Variants in LCORL observed in about 807,000 individuals in gnomAD.
LCORL encodes the protein ligand dependent nuclear receptor corepressor like, also known as ligand-dependent nuclear receptor corepressor-like protein.
In LCORL, 41 loss-of-function variants were observed where a neutral mutation model predicts 141.8. The ratio of observed to expected loss-of-function variants is 0.29; its 90% CI spans 0.23 to 0.38. LCORL has a LOEUF of 0.38. Ranked by LOEUF, LCORL falls within the 10% of genes least tolerant of loss-of-function variation. LCORL has a pLI of 1.00. For synonymous variants in LCORL, 618 were observed against 694.1 expected (o/e 0.89, Z 1.72); for missense variants, 1,759 against 2,035.0 (o/e 0.86, Z 2.61).
chr4:17,924,003 A>G (rs941171488), intron 4 of LCORL, among the ~76,000 whole-genome samples: 1 of 151,594 alleles, frequency 6.6e-6, no homozygotes, highest in African/African-American at 2.4e-5. Flanking sequence ...CTCGTTGTGC[A>G]CTTTTCTTTG....
In LCORL at chr4:17,897,589, A is replaced by T. The variant is rs117021496; in HGVS notation, c.683-11428T>A. Among the ~76,000 whole-genome samples the T allele has an allele frequency of 3.8e-4, 58 of 152,174 alleles. 1 individual carries two copies. The East Asian group carries it at 0.01, about 27-fold the overall frequency. Reference sequence around the variant, plus strand: ...ACAGTAAAGAACTGGTGTGGTGTGTACCTCCAATAGAGACTACTAACTCTG... The same window carrying T: ...ACAGTAAAGAACTGGTGTGGTGTGTTCCTCCAATAGAGACTACTAACTCTG... On this transcript the variant is annotated intron_variant, in intron 5 of 7. Transcript: ENST00000635767.
chr4:17,886,941 C>T (rs1577330356), intron 5 of LCORL, among the ~76,000 whole-genome samples: 4 of 151,914 alleles, frequency 2.6e-5, no homozygotes, highest in South Asian at 4.1e-4. Context: ...CAAAGAATTC[C>T]GTGAATGTTT....
chr4:18,016,620 T>C (rs1421439095), intron 1 of LCORL, among the ~76,000 whole-genome samples: 2 of 152,182 alleles, frequency 1.3e-5, no homozygotes, highest in Non-Finnish European at 2.9e-5. Flanking sequence ...AAATACCTGA[T>C]TTTGAAGACT....
intron 4 of LCORL, among the ~76,000 whole-genome samples, chr4:17,939,508 T>TA (rs1381493127): frequency 6.6e-6 from 1 of 152,134 alleles, no homozygotes; most frequent in Non-Finnish European, 1.5e-5. Flanking sequence ...AAAAGAGACT[T>TA]ACACAAGAAT....
chr4:17,928,267 G>A (rs1404305062), intron 4 of LCORL, among the ~76,000 whole-genome samples: 1 of 152,026 alleles, frequency 6.6e-6, no homozygotes, highest in Non-Finnish European at 1.5e-5. Context: ...ATTTAGCCAG[G>A]CATTAGTGAT....
chr4:17,999,777 T>TA (rs1264392407), intron 1 of LCORL, among the ~76,000 whole-genome samples: 1 of 152,210 alleles, frequency 6.6e-6, no homozygotes, highest in Admixed American at 6.5e-5. Context: ...CAATGTTCCT[T>TA]AAAATCTCAG....
At chr4:17,855,986 C>T (rs1205653098) in intron 7 of LCORL, among the ~76,000 whole-genome samples, 2 of 152,204 alleles carry the variant, frequency 1.3e-5, no homozygotes, top group African/African-American at 4.8e-5. Context: ...TAAGACTTTA[C>T]TCAATCTTTC....
At chr4:17,847,721 C>T (rs1300478446) in intron 7 of LCORL, among the ~76,000 whole-genome samples, 1 of 152,128 alleles carries the variant, frequency 6.6e-6, no homozygotes, top group Non-Finnish European at 1.5e-5. Context: ...TCCTCAGGGA[C>T]CTCATTTTTG....
Position 18,021,520 on chromosome 4 carries a change from C to A in LCORL, c.154+78G>T, listed in dbSNP as rs1388488544. ...AACCCGAACGGGAGATTCAACTAAA[C>A]CCCTCAGCCACAAACTCCTCGGGCT... On this transcript the variant is annotated intron_variant, in intron 1 of 7. Coordinates refer to ENST00000635767, the Ensembl canonical transcript of LCORL. The surrounding 1 kb of genome is among the most constrained non-coding windows in gnomAD (Gnocchi z 5.5). The A allele has an allele frequency of 3.1e-6, 4 of 1,292,826 alleles. No individual in the cohort carries two copies. The highest frequency in any genetic ancestry group is 4.2e-6 in the Non-Finnish European group (4 of 958,174). The allele number at this position is 1,292,826 out of a possible 1,614,324, so 80.1% of individuals were successfully genotyped here. A position where few individuals can be genotyped will look rare whatever the true frequency, so the allele number is the denominator to read the frequency against.
At chr4:17,943,839 T>C (rs1738387779) in intron 4 of LCORL, among the ~76,000 whole-genome samples, 2 of 152,154 alleles carry the variant, frequency 1.3e-5, no homozygotes, top group African/African-American at 4.8e-5. Flanking sequence ...AGACACATTA[T>C]CATAAGAATC....
intron 4 of LCORL, 42 bp from the exon 5 acceptor site, chr4:17,909,387 A>ACTTTCT: frequency 7.1e-7 from 1 of 1,399,418 alleles, no homozygotes; most frequent in East Asian, 2.4e-5. Context: ...AAAAAGAGAA[A>ACTTTCT]GGCAAATCAC....
intron 7 of LCORL, among the ~76,000 whole-genome samples, chr4:17,871,090 A>G (rs933172824): frequency 6.6e-6 from 1 of 152,090 alleles, no homozygotes. Context: ...CACATATAAA[A>G]CTAATAATGA....
chr4:17,903,635 A>G (rs1314849723), intron 5 of LCORL, among the ~76,000 whole-genome samples: 2 of 152,068 alleles, frequency 1.3e-5, no homozygotes, highest in African/African-American at 4.8e-5. Flanking sequence ...GTATTTATAC[A>G]AATCTAAATA....
At chr4:17,859,602 GA>G (rs751912793) in intron 7 of LCORL, among the ~76,000 whole-genome samples, 1 of 152,052 alleles carries the variant, frequency 6.6e-6, no homozygotes, top group Admixed American at 6.6e-5. Context: ...AATTCATGGG[GA>G]AAATACTTAT....
chr4:17,925,804 G>C (rs527275603), intron 4 of LCORL, among the ~76,000 whole-genome samples: 1 of 149,654 alleles, frequency 6.7e-6, no homozygotes, highest in South Asian at 2.1e-4. Context: ...CTGGGAGGTG[G>C]AGGTTGCAGT....
At chr4:17,876,126 T>A in exon 7 of LCORL, 1 of 1,231,010 alleles carries the variant, frequency 8.1e-7, no homozygotes, top group African/African-American at 1.6e-5. Flanking sequence ...ACTAGAATAG[T>A]TGGAAACAGA....
intron 4 of LCORL, among the ~76,000 whole-genome samples, chr4:17,918,770 G>C (rs1733849989): frequency 6.6e-6 from 1 of 152,086 alleles, no homozygotes; most frequent in Non-Finnish European, 1.5e-5. Flanking sequence ...CAAAAGGAAA[G>C]AAGAGACAAA....
intron 7 of LCORL, among the ~76,000 whole-genome samples, chr4:17,856,777 CAAT>C (rs1724408893): frequency 6.6e-6 from 1 of 152,118 alleles, no homozygotes; most frequent in Non-Finnish European, 1.5e-5. Flanking sequence ...TTTCAGTCAT[CAAT>C]GATAGCCTAG....
exon 7 of LCORL, chr4:17,873,923 A>G: frequency 8.1e-7 from 1 of 1,233,998 alleles, no homozygotes; most frequent in Non-Finnish European, 1.0e-6. Context: ...CTTCTGACTT[A>G]AATTTATTCT....
Sources: gnomAD v4.1 joint callset for allele counts (sites outside exome capture counted in the v4.1 genomes callset) on GRCh38, gnomAD v4.1.1 for gene constraint, Gnocchi (gnomAD v3.1) non-coding constraint, MANE v1.5 for transcripts, NCBI Gene and HGNC (gene_info 2026-07-23, HGNC 2026-07-21) for gene names.